Variants in ZNF704 observed in about 807,000 individuals in gnomAD.
The protein encoded by ZNF704 is glucocorticoid induced gene 1.
Under a neutral mutation model 44.7 loss-of-function variants are expected in ZNF704, and 10 were observed. The observed-to-expected ratio is 0.22, with a 90% CI of 0.14 to 0.38. ZNF704 has a LOEUF of 0.38. Ranked by LOEUF, ZNF704 falls within the 10% of genes least tolerant of loss-of-function variation. The probability of loss-of-function intolerance (pLI) is 1.00; values close to 1 mark genes in which losing one functional copy is unlikely to be tolerated. For synonymous variants in ZNF704, 211 were observed against 207.6 expected, an observed-to-expected ratio of 1.02 and a Z score of -0.14; for missense variants, 390 against 545.5, an observed-to-expected ratio of 0.71 and a Z score of 2.84.
intron 2 of ZNF704, among the ~76,000 whole-genome samples, chr8:80,727,702 C>T (rs926719777): frequency 8.5e-5 from 13 of 152,060 alleles, no homozygotes; most frequent in African/African-American, 2.7e-4. Context: ...TGAGCTCATC[C>T]CTTGGCAGTG....
chr8:80,695,790 G>T (rs1296220978), intron 2 of ZNF704, among the ~76,000 whole-genome samples: 1 of 152,146 alleles, frequency 6.6e-6, no homozygotes, highest in African/African-American at 2.4e-5. Flanking sequence ...ATCATAAAGA[G>T]ATTTACAATG....
chr8:80,879,798 TA>T, the ZNF704 span, among the ~76,000 whole-genome samples: 1 of 152,224 alleles, frequency 6.6e-6, no homozygotes, highest in Non-Finnish European at 1.5e-5. Context: ...CTAAGATGTG[TA>T]ATTATTTCCT....
At chr8:80,701,910 T>C (rs1818816533) in intron 2 of ZNF704, among the ~76,000 whole-genome samples, 1 of 152,192 alleles carries the variant, frequency 6.6e-6, no homozygotes, top group African/African-American at 2.4e-5. Context: ...TAGAGGACTC[T>C]TAAAGAGCTT....
At chr8:80,714,723 A>C (rs1171980716) in intron 2 of ZNF704, among the ~76,000 whole-genome samples, 1 of 152,306 alleles carries the variant, frequency 6.6e-6, no homozygotes, top group African/African-American at 2.4e-5. Context: ...TTGACTGATA[A>C]GTCACCTTCT....
In ZNF704 at chr8:80,874,314, T is replaced by TGCCGCCTCC. The variant is rs1423973961; in HGVS notation, c.-22+248_-22+256dup. On this transcript the variant is annotated intron_variant, in intron 1 of 8. Transcript: ENST00000327835. This position sits in a 1 kb window ranked among gnomAD's most constrained non-coding sequence, Gnocchi z 4.4. ...GGGTGGGTGTGAGCGAGCGGCGCGC[T>TGCCGCCTCC]GCCGCCTCCGCCGCCGCCGCCGCCG... Among the ~76,000 whole-genome samples the TGCCGCCTCC allele has an allele frequency of 8.4e-5, 12 of 143,484 alleles. No individual in the cohort carries two copies. The highest frequency in any genetic ancestry group is 1.7e-4 in the Non-Finnish European group (11 of 64,864). The allele number at this position is 143,484 out of a possible 152,430, so 94.1% of individuals were successfully genotyped here.
intron 7 of ZNF704, among the ~76,000 whole-genome samples, chr8:80,647,611 C>A (rs547144760): frequency 2.0e-5 from 3 of 152,048 alleles, no homozygotes; most frequent in African/African-American, 4.8e-5. Flanking sequence ...CTAGGTATGG[C>A]GGCAGTGGTG....
At chr8:80,879,887 C>G in the ZNF704 span, among the ~76,000 whole-genome samples, 1 of 152,138 alleles carries the variant, frequency 6.6e-6, no homozygotes, top group Non-Finnish European at 1.5e-5. Context: ...CAAGACCCTT[C>G]TGGTGTCAGT....
intron 2 of ZNF704, among the ~76,000 whole-genome samples, chr8:80,701,232 G>A (rs988941745): frequency 2.0e-5 from 3 of 151,860 alleles, no homozygotes; most frequent in Non-Finnish European, 2.9e-5. Context: ...GCCCATCCTC[G>A]GCACGCATCC....
chr8:80,656,508 T>A (rs1818019095), intron 7 of ZNF704, among the ~76,000 whole-genome samples: 1 of 152,134 alleles, frequency 6.6e-6, no homozygotes, highest in Non-Finnish European at 1.5e-5. Flanking sequence ...TTAAGGATGT[T>A]CTCTTTCCTA....
the ZNF704 span, among the ~76,000 whole-genome samples, chr8:80,883,513 T>A: frequency 6.6e-6 from 1 of 152,088 alleles, no homozygotes; most frequent in Non-Finnish European, 1.5e-5. Context: ...AAATAAGGAA[T>A]AGAAGTTTTA....
At chr8:80,807,344 T>C (rs1808006247) in intron 2 of ZNF704, among the ~76,000 whole-genome samples, 1 of 152,108 alleles carries the variant, frequency 6.6e-6, no homozygotes, top group East Asian at 1.9e-4. Flanking sequence ...TCTGCCATTG[T>C]GTGAGGCAGG....
intron 2 of ZNF704, among the ~76,000 whole-genome samples, chr8:80,771,330 C>T (rs1005128271): frequency 1.3e-5 from 2 of 152,054 alleles, no homozygotes; most frequent in African/African-American, 4.8e-5. Flanking sequence ...TCTTGCAATC[C>T]ATAAACATGG....
chr8:80,682,591 G>A (rs1818470720), intron 4 of ZNF704, among the ~76,000 whole-genome samples: 3 of 152,226 alleles, frequency 2.0e-5, no homozygotes, highest in African/African-American at 4.8e-5. Flanking sequence ...GGTGGCTGAG[G>A]GATCTGGAGT....
intron 4 of ZNF704, among the ~76,000 whole-genome samples, chr8:80,686,112 G>A (rs755705734): frequency 6.6e-6 from 1 of 152,126 alleles, no homozygotes; most frequent in Non-Finnish European, 1.5e-5. Flanking sequence ...AAAATTATGA[G>A]TGAACATAAC....
chr8:80,845,162 T>C (rs1808748620), intron 1 of ZNF704, among the ~76,000 whole-genome samples: 1 of 152,184 alleles, frequency 6.6e-6, no homozygotes, highest in Admixed American at 6.6e-5. Context: ...AACAAAAATA[T>C]TATAGCATGT....
chr8:80,716,826 A>G (rs987788595), intron 2 of ZNF704, among the ~76,000 whole-genome samples: 1 of 152,212 alleles, frequency 6.6e-6, no homozygotes, highest in African/African-American at 2.4e-5. Context: ...GTTTTAACCT[A>G]CTGAAGGAGC....
intron 1 of ZNF704, among the ~76,000 whole-genome samples, chr8:80,846,180 T>C (rs1808764575): frequency 6.6e-6 from 1 of 152,190 alleles, no homozygotes; most frequent in African/African-American, 2.4e-5. Flanking sequence ...GCAGGCCATA[T>C]CACTGATGTA....
intron 1 of ZNF704, among the ~76,000 whole-genome samples, chr8:80,836,251 C>A (rs1808556475): frequency 6.6e-6 from 1 of 152,170 alleles, no homozygotes; most frequent in South Asian, 2.1e-4. Context: ...CTACCCCCAG[C>A]CTTGCTGGCC....
chr8:80,846,877 A>G (rs1808775490), intron 1 of ZNF704, among the ~76,000 whole-genome samples: 1 of 152,224 alleles, frequency 6.6e-6, no homozygotes, highest in Admixed American at 6.5e-5. Flanking sequence ...ACTGAAGTTT[A>G]AAACACAGTA....
Sources: allele counts gnomAD v4.1 joint callset (sites outside exome capture counted in the v4.1 genomes callset), GRCh38; gene constraint gnomAD v4.1.1; non-coding constraint Gnocchi (gnomAD v3.1); transcripts MANE v1.5; gene names NCBI Gene and HGNC (gene_info 2026-07-23, HGNC 2026-07-21).